Variants in ROBO1 observed in about 807,000 individuals in gnomAD.
ROBO1 encodes the protein roundabout homolog 1.
ROBO1 carries 149 observed loss-of-function variants against 195.9 expected under a neutral mutation model. The ratio of observed to expected loss-of-function variants is 0.76; its 90% confidence interval spans 0.67 to 0.87. The LOEUF (loss-of-function observed/expected upper bound fraction) is 0.87, where lower values mean the gene tolerates loss of function less well. Ranked by LOEUF, ROBO1 falls within the 40% of genes least tolerant of loss-of-function variation. The pLI is 0.00. For missense variants in ROBO1, 1,933 were observed against 2,068.3 expected (o/e 0.93, Z 1.27); for synonymous variants, 816 against 733.2 (o/e 1.11, Z -1.82).
chr3:78,928,725 G>C (rs928712565), intron 4 of ROBO1, among the ~76,000 whole-genome samples: 1 of 152,104 alleles, frequency 6.6e-6, no homozygotes, highest in Non-Finnish European at 1.5e-5. Flanking sequence ...AAGAGTCAAC[G>C]AGATTGCAAC....
intron 2 of ROBO1, among the ~76,000 whole-genome samples, chr3:79,241,999 T>A (rs996499): frequency 6.6e-6 from 1 of 151,098 alleles, no homozygotes; most frequent in Non-Finnish European, 1.5e-5. Flanking sequence ...TGCAGCTAGG[T>A]GTAAAACAGA....
chr3:78,808,749 C>A lies in ROBO1; in HGVS notation c.500-61849G>T, dbSNP rs535315049. Among the ~76,000 whole-genome samples, 5 of 152,132 alleles carry A rather than the reference C, an allele frequency of 3.3e-5. No homozygotes were observed. The South Asian group carries it at 1.0e-3, about 32-fold the overall frequency. On this transcript the variant is annotated intron_variant, in intron 4 of 30. Coordinates refer to ENST00000464233, the MANE Select transcript of ROBO1 (RefSeq NM_002941.4). Reference sequence around the variant, plus strand: ...CTGACAAAAACAAGCAATGGGGAAACGATTCCCTATATAATAAATGGTGTT... The same window carrying A: ...CTGACAAAAACAAGCAATGGGGAAAAGATTCCCTATATAATAAATGGTGTT...
At chr3:79,491,422 A>G (rs952639735) in intron 2 of ROBO1, among the ~76,000 whole-genome samples, 1 of 152,118 alleles carries the variant, frequency 6.6e-6, no homozygotes, top group Non-Finnish European at 1.5e-5. Context: ...CTTCCCTACA[A>G]CTTGCAGATG....
At chr3:79,398,175 G>T (rs1279439820) in intron 2 of ROBO1, among the ~76,000 whole-genome samples, 1 of 151,586 alleles carries the variant, frequency 6.6e-6, no homozygotes, top group Non-Finnish European at 1.5e-5. Flanking sequence ...ATTCTGGTTT[G>T]GTCTCAACAC....
intron 2 of ROBO1, among the ~76,000 whole-genome samples, chr3:79,456,875 T>C (rs1260583831): frequency 6.6e-6 from 1 of 152,146 alleles, no homozygotes; most frequent in African/African-American, 2.4e-5. Flanking sequence ...AATACAGACA[T>C]TTCTCCAGGA....
chr3:79,213,825 T>C (rs1237416271), intron 2 of ROBO1, among the ~76,000 whole-genome samples: 3 of 144,002 alleles, frequency 2.1e-5, no homozygotes, highest in African/African-American at 5.1e-5. Flanking sequence ...TCTTTTTTTT[T>C]TTTTTTTTTT....
chr3:79,165,016 C>T (rs2081037570), intron 2 of ROBO1, among the ~76,000 whole-genome samples: 2 of 152,108 alleles, frequency 1.3e-5, no homozygotes, highest in African/African-American at 2.4e-5. Context: ...CACATTTTAA[C>T]TTGCTTTAAA....
chr3:79,021,415 A>T (rs2078098695), intron 3 of ROBO1, among the ~76,000 whole-genome samples: 1 of 152,306 alleles, frequency 6.6e-6, no homozygotes, highest in East Asian at 1.9e-4. Context: ...TTAAATAAAG[A>T]TGTCAAACTT....
intron 19 of ROBO1, among the ~76,000 whole-genome samples, chr3:78,649,234 G>T (rs1238716353): frequency 6.6e-6 from 1 of 151,908 alleles, no homozygotes; most frequent in Non-Finnish European, 1.5e-5. Context: ...AATATGAAAG[G>T]TCCTTGTCAT....
intron 2 of ROBO1, among the ~76,000 whole-genome samples, chr3:79,473,066 G>A (rs1468680785): frequency 1.3e-5 from 2 of 152,172 alleles, no homozygotes; most frequent in African/African-American, 2.4e-5. Context: ...ATATACCCAA[G>A]TCTAACCTCT....
intron 2 of ROBO1, among the ~76,000 whole-genome samples, chr3:79,247,144 T>TTTTTTTTTTTTTA (rs2082640143): frequency 6.7e-6 from 1 of 149,738 alleles, no homozygotes; most frequent in Admixed American, 6.7e-5. Flanking sequence ...TTTTTTTTTG[T>TTTTTTTTTTTTTA]AAGAAGTATA....
At chr3:79,524,996 A>G (rs1941365444) in intron 2 of ROBO1, among the ~76,000 whole-genome samples, 1 of 151,970 alleles carries the variant, frequency 6.6e-6, no homozygotes, top group African/African-American at 2.4e-5. Context: ...GACTAAGAGA[A>G]AAAGAGAAGT....
At chr3:79,623,495 A>C (rs1262966546) in intron 1 of ROBO1, among the ~76,000 whole-genome samples, 1 of 152,210 alleles carries the variant, frequency 6.6e-6, no homozygotes, top group Non-Finnish European at 1.5e-5. Flanking sequence ...TTAAAGAGGA[A>C]CATAAACAAC....
At chr3:78,802,479 T>C (rs1020399719) in intron 4 of ROBO1, among the ~76,000 whole-genome samples, 5 of 152,150 alleles carry the variant, frequency 3.3e-5, no homozygotes, top group Admixed American at 2.6e-4. Context: ...CTGTACTAAG[T>C]TGAAGCAAGA....
chr3:79,664,509 T>A (rs957777425), intron 1 of ROBO1, among the ~76,000 whole-genome samples: 12 of 152,060 alleles, frequency 7.9e-5, no homozygotes, highest in African/African-American at 2.9e-4. Context: ...ATGTCAGAAA[T>A]ATGCTTTAGC....
chr3:78,855,171 G>C (rs1427414511), intron 4 of ROBO1, among the ~76,000 whole-genome samples: 2 of 151,862 alleles, frequency 1.3e-5, no homozygotes, highest in African/African-American at 2.4e-5. Context: ...CTAAACACTT[G>C]AATGGTACCT....
At chr3:79,421,767 A>G (rs1257678790) in intron 2 of ROBO1, among the ~76,000 whole-genome samples, 5 of 152,150 alleles carry the variant, frequency 3.3e-5, no homozygotes, top group Admixed American at 6.6e-5. Context: ...TGCTGACGGT[A>G]AAGCAAGCTC....
intron 4 of ROBO1, among the ~76,000 whole-genome samples, chr3:78,833,384 T>TA (rs1280962300): frequency 1.4e-4 from 22 of 152,104 alleles, no homozygotes; most frequent in Non-Finnish European, 2.6e-4. Flanking sequence ...ACAACAGATA[T>TA]AAAAAATACT....
At chr3:78,779,744 C>T (rs1456947662) in intron 4 of ROBO1, among the ~76,000 whole-genome samples, 2 of 152,164 alleles carry the variant, frequency 1.3e-5, no homozygotes, top group Non-Finnish European at 2.9e-5. Context: ...ACCTAGCAAT[C>T]CCATTACTGG....
Sources: allele counts gnomAD v4.1 joint callset (sites outside exome capture counted in the v4.1 genomes callset), GRCh38; gene constraint gnomAD v4.1.1; transcripts MANE v1.5; gene names NCBI Gene and HGNC (gene_info 2026-07-23, HGNC 2026-07-21).